Variants in EYS observed in about 807,000 individuals in gnomAD.
EYS encodes EGF-like photoreceptor maintenance factor.
EYS carries 250 observed loss-of-function variants against 282.1 expected under a neutral mutation model. That is an observed-to-expected ratio of 0.89 (90% CI 0.80 to 0.98). The LOEUF (loss-of-function observed/expected upper bound fraction) is 0.98, where lower values mean the gene tolerates loss of function less well. EYS is among the 50% of genes least tolerant of loss of function. The probability of loss-of-function intolerance (pLI) is 0.00; values close to 1 mark genes in which losing one functional copy is unlikely to be tolerated. For missense variants in EYS, 4,016 were observed against 3,709.0 expected, an observed-to-expected ratio of 1.08 and a Z score of -2.15; for synonymous variants, 1,355 against 1,282.9, an observed-to-expected ratio of 1.06 and a Z score of -1.20.
At chr6:64,553,135 C>T (rs756798244) in intron 26 of EYS, among the ~76,000 whole-genome samples, 13 of 150,532 alleles carry the variant, frequency 8.6e-5, no homozygotes, top group South Asian at 2.1e-4. Flanking sequence ...CAGGATCTCA[C>T]GGAGCTGTGT....
intron 26 of EYS, among the ~76,000 whole-genome samples, chr6:64,463,710 C>T (rs1217559062): frequency 6.6e-6 from 1 of 151,922 alleles, no homozygotes; most frequent in Non-Finnish European, 1.5e-5. Flanking sequence ...TAAATGAAAT[C>T]AAAAATGAAA....
At chr6:64,498,630 C>A (rs72608371) in intron 26 of EYS, among the ~76,000 whole-genome samples, 1 of 151,952 alleles carries the variant, frequency 6.6e-6, no homozygotes, top group Admixed American at 6.6e-5. Context: ...CCTTTCCCCC[C>A]ACCCACCAAC....
At chr6:63,976,219 C>A (rs140641385) in intron 35 of EYS, among the ~76,000 whole-genome samples, 8 of 151,874 alleles carry the variant, frequency 5.3e-5, no homozygotes, top group African/African-American at 1.9e-4. Flanking sequence ...AAAATACTAC[C>A]GTATATTACC....
intron 22 of EYS, among the ~76,000 whole-genome samples, chr6:64,707,663 C>CAA (rs59172308): frequency 2.0e-5 from 2 of 101,002 alleles, no homozygotes; most frequent in African/African-American, 3.7e-5. Context: ...AGACTCGTAT[C>CAA]AAAAAAAAAA....
At chr6:65,225,839 C>T (rs1766611046) in intron 12 of EYS, among the ~76,000 whole-genome samples, 1 of 151,730 alleles carries the variant, frequency 6.6e-6, no homozygotes, top group Non-Finnish European at 1.5e-5. Flanking sequence ...AAATCCAATG[C>T]ACTTTTGTAA....
intron 2 of EYS, among the ~76,000 whole-genome samples, chr6:65,577,272 A>G (rs1474888645): frequency 6.6e-6 from 1 of 151,754 alleles, no homozygotes; most frequent in African/African-American, 2.4e-5. Context: ...CTCCAAAAAT[A>G]AAATCCATGC....
Position 63,720,817 on chromosome 6 carries a change from G to T in EYS, c.9214C>A (p.Pro3072Thr), listed in dbSNP as rs1561993439. 6.4e-7 allele frequency: 1 copy of T among 1,551,086 alleles called. No homozygotes were observed. Among genetic ancestry groups the T allele is most frequent in the Admixed American group, 2.0e-5 (1 of 50,938 alleles). The change falls in exon 43 of 43, where the codon CCA becomes ACA. Residue 3072 changes from proline to threonine, a missense_variant. Transcript: ENST00000503581. ...NSLILSEDID[P>T]HKNFVALNYD... is the part of the protein sequence containing the mutation. ...TTTAGAGCCACAAAGTTTTTATGTG[G>T]ATCAATATCCTCGGAAAGAATTAGA...
chr6:65,360,702 C>T (rs965481986), intron 8 of EYS, among the ~76,000 whole-genome samples: 5 of 152,010 alleles, frequency 3.3e-5, no homozygotes, highest in African/African-American at 1.2e-4. Context: ...AACTGTTATG[C>T]TAAAAAGAGA....
At chr6:64,765,991 A>G (rs940807671) in intron 22 of EYS, among the ~76,000 whole-genome samples, 2 of 152,094 alleles carry the variant, frequency 1.3e-5, no homozygotes, top group Non-Finnish European at 2.9e-5. Context: ...TTTTCAAGTA[A>G]TTAGGGTCAA....
intron 35 of EYS, among the ~76,000 whole-genome samples, chr6:63,955,447 T>C (rs988940471): frequency 6.6e-6 from 1 of 152,172 alleles, no homozygotes; most frequent in Admixed American, 6.5e-5. Context: ...AGTCCTATTC[T>C]TTACTTTTAT....
At chr6:65,570,169 G>T (rs1262446241) in intron 2 of EYS, among the ~76,000 whole-genome samples, 1 of 152,004 alleles carries the variant, frequency 6.6e-6, no homozygotes, top group South Asian at 2.1e-4. Flanking sequence ...AAAAGTAAAA[G>T]GTATTCAAGG....
intron 22 of EYS, among the ~76,000 whole-genome samples, chr6:64,756,073 C>A (rs555911153): frequency 6.6e-6 from 1 of 152,202 alleles, no homozygotes; most frequent in East Asian, 1.9e-4. Context: ...TATTTTTCTA[C>A]TCCAAACAGA....
chr6:64,283,056 C>T (rs1481512217), intron 30 of EYS, among the ~76,000 whole-genome samples: 3 of 152,104 alleles, frequency 2.0e-5, no homozygotes, highest in Admixed American at 6.6e-5. Flanking sequence ...GCTTTCTGAT[C>T]TAATATTCTA....
At chr6:65,075,242 A>T (rs1457185591) in intron 12 of EYS, among the ~76,000 whole-genome samples, 1 of 151,904 alleles carries the variant, frequency 6.6e-6, no homozygotes, top group Non-Finnish European at 1.5e-5. Flanking sequence ...TAATAATCTA[A>T]CCACTTCTAC....
chr6:64,080,922 G>A (rs1477247617), intron 32 of EYS, among the ~76,000 whole-genome samples: 1 of 152,010 alleles, frequency 6.6e-6, no homozygotes, highest in Non-Finnish European at 1.5e-5. Context: ...CTATATCTCT[G>A]TTTTGGTACC....
At position 63,760,260 on chromosome 6, in the gene EYS, G is replaced by A. The variant is rs369129365; in HGVS notation, c.8071+2201C>T. Among the ~76,000 whole-genome samples the A allele has an allele frequency of 2.5e-3, 381 of 152,110 alleles. 2 individuals are homozygous for A. The highest frequency in any genetic ancestry group is 0.02 in the Middle Eastern group (6 of 294). On this transcript the variant is annotated intron_variant, in intron 41 of 42. Transcript: ENST00000503581. ...CAATAATATGAGGAAAAAGTAAACT[G>A]AGAGGAGATTTTATGATTTAGGAGA...
At chr6:65,688,172 A>C (rs1769101899) in intron 1 of EYS, among the ~76,000 whole-genome samples, 1 of 152,172 alleles carries the variant, frequency 6.6e-6, no homozygotes, top group Non-Finnish European at 1.5e-5. Flanking sequence ...ACACTACCTG[A>C]CTTCAAACTA....
chr6:64,763,093 T>C (rs1010959304), intron 22 of EYS, among the ~76,000 whole-genome samples: 1 of 150,308 alleles, frequency 6.7e-6, no homozygotes, highest in African/African-American at 2.5e-5. Flanking sequence ...CCTTCAGTGC[T>C]TCTTTTATTT....
intron 12 of EYS, among the ~76,000 whole-genome samples, chr6:65,216,786 TATA>T (rs1766325117): frequency 6.6e-6 from 1 of 151,852 alleles, no homozygotes; most frequent in African/African-American, 2.4e-5. Context: ...TATTTTATAA[TATA>T]ATATGTATAC....
Sources: gnomAD v4.1 joint callset for allele counts (sites outside exome capture counted in the v4.1 genomes callset) on GRCh38, gnomAD v4.1.1 for gene constraint, MANE v1.5 for transcripts, NCBI Gene and HGNC (gene_info 2026-07-23, HGNC 2026-07-21) for gene names.